The following VPS26A variants were observed in gnomAD, a reference collection of about 807,000 sequenced individuals.
The protein encoded by VPS26A is vacuolar protein sorting-associated protein 26A.
In VPS26A, 22 loss-of-function variants were observed where a neutral mutation model predicts 42.4. That is an observed-to-expected ratio of 0.52 (90% CI 0.37 to 0.74). VPS26A has a LOEUF of 0.74. Among genes scored for constraint, VPS26A ranks in the 30% least tolerant of loss-of-function variants. The probability of loss-of-function intolerance (pLI) is 0.00; values close to 1 mark genes in which losing one functional copy is unlikely to be tolerated. For synonymous variants in VPS26A, 110 were observed against 123.5 expected (o/e 0.89, Z 0.73); for missense variants, 276 against 379.2 (o/e 0.73, Z 2.26).
At chr10:69,129,433 C>A (rs1321230744) in intron 1 of VPS26A, among the ~76,000 whole-genome samples, 1 of 151,918 alleles carries the variant, frequency 6.6e-6, no homozygotes, top group Non-Finnish European at 1.5e-5. Context: ...TTTTCATTCT[C>A]TTTTTTCTAA....
chr10:69,157,036 G>C lies in VPS26A; in HGVS notation c.259G>C (p.Glu87Gln). 2 of 1,612,060 alleles carry C rather than the reference G, an allele frequency of 1.2e-6. No individual in the cohort carries two copies. Among genetic ancestry groups the C allele is most frequent in the Non-Finnish European group, 8.5e-7 (1 of 1,179,196 alleles). Residue 87 changes from glutamate (E) to glutamine (Q), a missense_variant, in exon 4 of 9, where the codon GAA (glutamate) becomes CAA (glutamine). Transcript: ENST00000263559. ...TTTCAATGACAAGAGTAATACTCAT[G>C]AATTTGTAAACCTAGTGAAAGAACT... ...ELFNDKSNTH[E>Q]FVNLVKELAL...
At chr10:69,152,842 C>A (rs960271719) in intron 2 of VPS26A, among the ~76,000 whole-genome samples, 1 of 151,648 alleles carries the variant, frequency 6.6e-6, no homozygotes, top group East Asian at 2.0e-4. Flanking sequence ...TGGTGGCGGG[C>A]GCCTGTAGTC....
intron 3 of VPS26A, 133 bp from the exon 4 acceptor site, chr10:69,156,874 G>A (rs1841439379): frequency 2.6e-6 from 2 of 766,894 alleles, no homozygotes; most frequent in South Asian, 4.7e-5. Context: ...GGAATTCAGA[G>A]CATAGGTCTA....
At chr10:69,134,816 A>G (rs1435893939) in intron 2 of VPS26A, among the ~76,000 whole-genome samples, 2 of 152,118 alleles carry the variant, frequency 1.3e-5, no homozygotes, top group Non-Finnish European at 2.9e-5. Context: ...AAAAAGGCCA[A>G]GTGCAGTGGC....
At chr10:69,152,556 C>T (rs139306410) in intron 2 of VPS26A, among the ~76,000 whole-genome samples, 221 of 152,250 alleles carry the variant, frequency 1.5e-3, no homozygotes, top group African/African-American at 4.8e-3. Flanking sequence ...ATATTTTAAT[C>T]TATGCAGTTT....
At chr10:69,130,730 A>G (rs1223930695) in intron 1 of VPS26A, among the ~76,000 whole-genome samples, 4 of 152,194 alleles carry the variant, frequency 2.6e-5, no homozygotes, top group East Asian at 1.9e-4. Flanking sequence ...CTGTAACACC[A>G]TAATGTACCT....
intron 1 of VPS26A, among the ~76,000 whole-genome samples, chr10:69,131,604 A>T (rs1214229000): frequency 6.6e-6 from 1 of 152,056 alleles, no homozygotes; most frequent in African/African-American, 2.4e-5. Context: ...GTGGTTGCAG[A>T]TGGCTGTAGT....
Position 69,173,858 on chromosome 10 carries a change from G to A in VPS26A, c.*2589G>A, listed in dbSNP as rs191016989. Among the ~76,000 whole-genome samples, 13 of 152,166 alleles carry A rather than the reference G, an allele frequency of 8.5e-5. No individual in the cohort carries two copies. Among genetic ancestry groups the A allele is most frequent in the Admixed American group, 3.9e-4 (6 of 15,278 alleles). On this transcript the variant is annotated 3_prime_UTR_variant, in exon 9 of 9. Transcript: ENST00000263559. ...TCTACCAAAAATGCATTAGTCGGGC[G>A]TGGTGGCACATGCCTGTAATCCCAG...
At chr10:69,152,949 G>A (rs1235941190) in intron 2 of VPS26A, among the ~76,000 whole-genome samples, 17 of 145,168 alleles carry the variant, frequency 1.2e-4, no homozygotes, top group African/African-American at 2.5e-4. Flanking sequence ...CAGCCTGGGC[G>A]ACAGAGCGAG....
intron 6 of VPS26A, among the ~76,000 whole-genome samples, chr10:69,163,271 T>C (rs1204346805): frequency 4.6e-5 from 7 of 152,212 alleles, no homozygotes; most frequent in Admixed American, 4.6e-4. Flanking sequence ...TTAAACAGCA[T>C]ATTTGTTTAT....
intron 1 of VPS26A, among the ~76,000 whole-genome samples, chr10:69,124,946 C>T (rs1243412102): frequency 1.3e-5 from 2 of 152,172 alleles, no homozygotes; most frequent in South Asian, 2.1e-4. Flanking sequence ...ACTTAACGCT[C>T]TGGGTTGTTG....
intron 2 of VPS26A, among the ~76,000 whole-genome samples, chr10:69,145,690 C>G (rs924639678): frequency 6.6e-6 from 1 of 150,664 alleles, no homozygotes; most frequent in Non-Finnish European, 1.5e-5. Context: ...TTATTCTGTT[C>G]TGTTGGCCTA....
At chr10:69,148,849 A>G (rs1237947813) in intron 2 of VPS26A, among the ~76,000 whole-genome samples, 1 of 147,164 alleles carries the variant, frequency 6.8e-6, no homozygotes, top group Non-Finnish European at 1.5e-5. Flanking sequence ...TCTGCCTCCC[A>G]GGTTCACTCC....
chr10:69,149,748 T>TGAGATGG (rs1841254427), intron 2 of VPS26A, among the ~76,000 whole-genome samples: 1 of 84,726 alleles, frequency 1.2e-5, no homozygotes, highest in Non-Finnish European at 2.9e-5. Context: ...TTTTTTTTTT[T>TGAGATGG]TTTTTTTTTT....
intron 2 of VPS26A, among the ~76,000 whole-genome samples, chr10:69,151,908 T>C (rs965160422): frequency 1.3e-5 from 2 of 152,238 alleles, no homozygotes; most frequent in Non-Finnish European, 2.9e-5. Context: ...TATGCTTGTT[T>C]TATTATTTGT....
At chr10:69,139,214 G>A (rs748927129) in intron 2 of VPS26A, among the ~76,000 whole-genome samples, 1 of 152,084 alleles carries the variant, frequency 6.6e-6, no homozygotes, top group Non-Finnish European at 1.5e-5. Flanking sequence ...TTGCATATTG[G>A]TAATGGCTTT....
At chr10:69,160,072 CAAATAGTTTAGGACCTG>C (rs1344031189) in intron 5 of VPS26A, among the ~76,000 whole-genome samples, 8 of 151,514 alleles carry the variant, frequency 5.3e-5, no homozygotes, top group African/African-American at 7.3e-5. Flanking sequence ...ATGAAATTAT[CAAATAGTTTAGGACCTG>C]AAACCACTGA....
chr10:69,170,771 A>T (rs1841797585), intron 8 of VPS26A, among the ~76,000 whole-genome samples: 1 of 152,242 alleles, frequency 6.6e-6, no homozygotes, highest in Non-Finnish European at 1.5e-5. Context: ...CCTGCTAGTG[A>T]TAATAAAGGA....
intron 8 of VPS26A, among the ~76,000 whole-genome samples, chr10:69,170,759 A>T (rs544821039): frequency 6.6e-6 from 1 of 152,350 alleles, no homozygotes; most frequent in South Asian, 2.1e-4. Flanking sequence ...CTGGAGGATT[A>T]ACCTGCTAGT....
Sources: allele counts gnomAD v4.1 joint callset (sites outside exome capture counted in the v4.1 genomes callset), GRCh38; gene constraint gnomAD v4.1.1; transcripts MANE v1.5; gene names NCBI Gene and HGNC (gene_info 2026-07-23, HGNC 2026-07-21).